Variants in MLLT3 observed in about 807,000 individuals in gnomAD.
MLLT3 encodes the protein MLLT3 super elongation complex subunit, also known as protein AF-9.
Under a neutral mutation model 53.2 loss-of-function variants are expected in MLLT3, and 4 were observed. The ratio of observed to expected loss-of-function variants is 0.08; its 90% CI spans 0.04 to 0.17. The LOEUF (loss-of-function observed/expected upper bound fraction) is 0.17. MLLT3 is among the 10% of genes least tolerant of loss of function. The pLI, the probability that MLLT3 is intolerant of heterozygous loss-of-function variation, is 1.00. For synonymous variants in MLLT3, 283 were observed against 230.6 expected (o/e 1.23, Z -2.06); for missense variants, 569 against 684.0 (o/e 0.83, Z 1.87).
At chr9:20,347,281 A>C (rs527894995) in intron 10 of MLLT3, among the ~76,000 whole-genome samples, 47 of 152,296 alleles carry the variant, frequency 3.1e-4, no homozygotes, top group Middle Eastern at 3.4e-3. Context: ...ACATAAAAAT[A>C]AAAACATATT....
intron 5 of MLLT3, among the ~76,000 whole-genome samples, chr9:20,391,671 T>A (rs1192528268): frequency 5.3e-5 from 8 of 152,218 alleles, no homozygotes; most frequent in African/African-American, 1.9e-4. Flanking sequence ...TTACCTCTTG[T>A]AAATCTAATG....
intron 5 of MLLT3, among the ~76,000 whole-genome samples, chr9:20,393,304 T>G (rs908240494): frequency 6.6e-6 from 1 of 152,202 alleles, no homozygotes; most frequent in Non-Finnish European, 1.5e-5. Context: ...ACTACGTATT[T>G]CAAATTCAAT....
chr9:20,520,922 G>C (rs1043237999), intron 2 of MLLT3, among the ~76,000 whole-genome samples: 1 of 152,172 alleles, frequency 6.6e-6, no homozygotes, highest in Admixed American at 6.5e-5. Context: ...GGGAGAAGCA[G>C]GACATGTAGA....
At chr9:20,595,583 A>G (rs1268586172) in intron 2 of MLLT3, among the ~76,000 whole-genome samples, 1 of 152,194 alleles carries the variant, frequency 6.6e-6, no homozygotes, top group East Asian at 1.9e-4. Context: ...AAGCGTTATC[A>G]AAGAAGGAAA....
intron 5 of MLLT3, among the ~76,000 whole-genome samples, chr9:20,383,158 T>C (rs778950258): frequency 1.3e-5 from 2 of 151,916 alleles, no homozygotes; most frequent in Non-Finnish European, 2.9e-5. Context: ...TACAACACTA[T>C]TGTGTTGTAT....
chr9:20,459,134 T>C (rs1824045461), intron 2 of MLLT3, among the ~76,000 whole-genome samples: 1 of 152,050 alleles, frequency 6.6e-6, no homozygotes, highest in African/African-American at 2.4e-5. Context: ...ATTACAGAAA[T>C]GATGTTGATA....
intron 2 of MLLT3, among the ~76,000 whole-genome samples, chr9:20,546,982 C>A (rs1234791224): frequency 1.3e-5 from 2 of 152,162 alleles, no homozygotes; most frequent in East Asian, 1.9e-4. Context: ...GGATTCTTCC[C>A]CGTATATAAG....
At chr9:20,507,646 G>C (rs1033705597) in intron 2 of MLLT3, among the ~76,000 whole-genome samples, 42 of 150,096 alleles carry the variant, frequency 2.8e-4, no homozygotes, top group African/African-American at 9.9e-4. Flanking sequence ...GCCCATGCAT[G>C]CAAGAATTTG....
At chr9:20,543,539 G>C (rs1818698539) in intron 2 of MLLT3, among the ~76,000 whole-genome samples, 1 of 152,178 alleles carries the variant, frequency 6.6e-6, no homozygotes, top group African/African-American at 2.4e-5. Context: ...CACTTTGGGA[G>C]GCCAAGAAGG....
intron 2 of MLLT3, chr9:20,532,635 A>G: frequency 3.8e-6 from 1 of 262,374 alleles, no homozygotes; most frequent in Non-Finnish European, 7.2e-6. Flanking sequence ...AGAAAGTGGT[A>G]AATCTCCTGT....
chr9:20,501,900 G>C (rs10964580), intron 2 of MLLT3, among the ~76,000 whole-genome samples: 53,503 of 151,284 alleles, frequency 0.35, 10,189 homozygotes, highest in South Asian at 0.48. Context: ...GGCCAATATG[G>C]TGAAACCTCG....
At chr9:20,542,168 AG>A (rs1393107095) in intron 2 of MLLT3, among the ~76,000 whole-genome samples, 2 of 152,144 alleles carry the variant, frequency 1.3e-5, no homozygotes, top group South Asian at 2.1e-4. Flanking sequence ...GCAAGAAAAT[AG>A]TATCAATCTC....
At chr9:20,376,579 T>C (rs560499317) in intron 5 of MLLT3, among the ~76,000 whole-genome samples, 1 of 152,316 alleles carries the variant, frequency 6.6e-6, no homozygotes, top group South Asian at 2.1e-4. Context: ...TTTGGACTTA[T>C]CACTACTTGT....
At chr9:20,375,872 T>C (rs1821753138) in intron 5 of MLLT3, among the ~76,000 whole-genome samples, 1 of 152,128 alleles carries the variant, frequency 6.6e-6, no homozygotes, top group Non-Finnish European at 1.5e-5. Context: ...CCTCCCAAAG[T>C]GCTGGGATTA....
intron 2 of MLLT3, among the ~76,000 whole-genome samples, chr9:20,590,019 C>G (rs985588759): frequency 6.6e-6 from 1 of 152,162 alleles, no homozygotes; most frequent in African/African-American, 2.4e-5. Flanking sequence ...AAGCAGCCCT[C>G]TGTGGAGCTG....
chr9:20,418,174 G>C (rs12685798), intron 4 of MLLT3: 24,908 of 152,212 alleles, frequency 0.16, 3,823 homozygotes, highest in East Asian at 0.68. Context: ...AAAAATTGTA[G>C]TGTGGTCCAA....
In MLLT3 at chr9:20,620,414, T is replaced by C. The variant is rs1382248225; in HGVS notation, c.193+240A>G. Among the ~76,000 whole-genome samples the C allele has an allele frequency of 6.6e-6, 1 of 151,576 alleles. No individual in the cohort carries two copies. The highest frequency in any genetic ancestry group is 1.5e-5 in the Non-Finnish European group (1 of 67,876). On this transcript the variant is annotated intron_variant, in intron 2 of 10. Coordinates refer to ENST00000380338, the MANE Select transcript of MLLT3 (RefSeq NM_004529.4). The surrounding 1 kb of genome is among the most constrained non-coding windows in gnomAD (Gnocchi z 6.1). Reference sequence around the variant, plus strand: ...AGGACTGGTGAGGGCTGGCTTGGGATGAATAAACACTCGACACCTGACGGT... The same window carrying C: ...AGGACTGGTGAGGGCTGGCTTGGGACGAATAAACACTCGACACCTGACGGT...
chr9:20,392,046 A>G (rs570130502), intron 5 of MLLT3, among the ~76,000 whole-genome samples: 2 of 152,232 alleles, frequency 1.3e-5, no homozygotes, highest in Admixed American at 6.5e-5. Context: ...GAATCAGCTC[A>G]CCTTGTCGGT....
chr9:20,402,436 A>C (rs992732453), intron 5 of MLLT3, among the ~76,000 whole-genome samples: 6 of 152,226 alleles, frequency 3.9e-5, no homozygotes, highest in Non-Finnish European at 2.9e-5. Flanking sequence ...ATTTGTAGAT[A>C]GACTAAGAAG....
Sources: allele counts gnomAD v4.1 joint callset (sites outside exome capture counted in the v4.1 genomes callset), GRCh38; gene constraint gnomAD v4.1.1; non-coding constraint Gnocchi (gnomAD v3.1); transcripts MANE v1.5; gene names NCBI Gene and HGNC (gene_info 2026-07-23, HGNC 2026-07-21).